The following PALLD variants were observed in gnomAD, a reference collection of about 807,000 sequenced individuals.
PALLD encodes the protein palladin, cytoskeletal associated protein, also known as palladin.
Under a neutral mutation model 123.5 loss-of-function variants are expected in PALLD, and 61 were observed. That is an observed-to-expected ratio of 0.49 (90% CI 0.40 to 0.61). The LOEUF is 0.61. Among genes scored for constraint, PALLD ranks in the 20% least tolerant of loss-of-function variants. The pLI is 0.00. For missense variants in PALLD, 1,273 were observed against 1,377.0 expected (o/e 0.92, Z 1.20); for synonymous variants, 465 against 496.4 (o/e 0.94, Z 0.84).
chr4:168,502,330 AT>A (rs1292228632), intron 1 of PALLD, among the ~76,000 whole-genome samples: 2 of 152,128 alleles, frequency 1.3e-5, no homozygotes, highest in African/African-American at 2.4e-5. Flanking sequence ...CTAGTTCCAA[AT>A]TTTTTCATGA....
intron 2 of PALLD, among the ~76,000 whole-genome samples, chr4:168,544,306 C>T (rs1366538053): frequency 6.6e-6 from 1 of 152,202 alleles, no homozygotes; most frequent in African/African-American, 2.4e-5. Context: ...ATTTTCAGTA[C>T]CTATTATATG....
chr4:168,864,941 T>C (rs979652963), intron 10 of PALLD, among the ~76,000 whole-genome samples: 2 of 152,252 alleles, frequency 1.3e-5, no homozygotes, highest in Non-Finnish European at 2.9e-5. Context: ...GGAAACTTCA[T>C]GTAGCTATGA....
chr4:168,610,519 A>G (rs1773628812), intron 2 of PALLD, among the ~76,000 whole-genome samples: 1 of 151,790 alleles, frequency 6.6e-6, no homozygotes, highest in Non-Finnish European at 1.5e-5. Flanking sequence ...CAGCTTGAGC[A>G]TTTCCTTATC....
chr4:168,588,571 T>G (rs1052829386), intron 2 of PALLD, among the ~76,000 whole-genome samples: 9 of 151,840 alleles, frequency 5.9e-5, no homozygotes, highest in African/African-American at 2.2e-4. Flanking sequence ...CCGGCTAACT[T>G]TTGTATTTTT....
chr4:168,618,592 C>A (rs1047189015), intron 2 of PALLD, among the ~76,000 whole-genome samples: 2 of 152,198 alleles, frequency 1.3e-5, no homozygotes, highest in African/African-American at 4.8e-5. Context: ...AAGGCAAGTG[C>A]TTTGAAAGGC....
At chr4:168,831,970 G>T in intron 10 of PALLD, 4 of 982,958 alleles carry the variant, frequency 4.1e-6, no homozygotes, top group Non-Finnish European at 3.6e-6. Context: ...TGCGAGCCAC[G>T]CCTCCTCTCT....
At chr4:168,836,124 C>T (rs977054025) in intron 10 of PALLD, among the ~76,000 whole-genome samples, 4 of 152,156 alleles carry the variant, frequency 2.6e-5, no homozygotes, top group African/African-American at 9.7e-5. Context: ...TTAGGTGAGC[C>T]TCTCTTCCTT....
At chr4:168,768,614 G>A (rs564689752) in intron 10 of PALLD, among the ~76,000 whole-genome samples, 1 of 152,308 alleles carries the variant, frequency 6.6e-6, no homozygotes, top group South Asian at 2.1e-4. Context: ...TTTTTGGAGA[G>A]CATAGACTAA....
intron 10 of PALLD, among the ~76,000 whole-genome samples, chr4:168,820,982 T>C (rs2150793189): frequency 6.6e-6 from 1 of 152,314 alleles, no homozygotes; most frequent in African/African-American, 2.4e-5. Context: ...AATCAATGTC[T>C]CTGTATTTCT....
intron 2 of PALLD, among the ~76,000 whole-genome samples, chr4:168,539,852 G>T (rs1024064934): frequency 1.3e-5 from 2 of 151,954 alleles, no homozygotes; most frequent in African/African-American, 2.4e-5. Context: ...ACACGTGCAG[G>T]TTTGTTACAT....
At position 168,691,473 on chromosome 4, in the gene PALLD, G is replaced by A. The variant is rs545127789; in HGVS notation, c.1501+181G>A. ...TTCTTTATCATGGAGTCTGTACACT[G>A]CATTTTACATCAACGTCTTTATTAG... On this transcript the variant is annotated intron_variant, in intron 8 of 21. Coordinates refer to ENST00000505667, the MANE Select transcript of PALLD (RefSeq NM_001166108.2). Among the ~76,000 whole-genome samples, 12 of 152,152 alleles carry A rather than the reference G, an allele frequency of 7.9e-5. No homozygotes were observed. The South Asian group carries it at 2.3e-3, about 29-fold the overall frequency.
chr4:168,785,863 A>G (rs1321004831), intron 10 of PALLD, among the ~76,000 whole-genome samples: 1 of 136,762 alleles, frequency 7.3e-6, no homozygotes, highest in African/African-American at 2.6e-5. Context: ...ATATATATAT[A>G]TATATATATA....
intron 10 of PALLD, chr4:168,877,874 C>G: frequency 7.0e-7 from 1 of 1,430,838 alleles, no homozygotes; most frequent in Non-Finnish European, 9.2e-7. Flanking sequence ...CTGCACGCCG[C>G]CCGCGTCCCC....
rs888446577 is a variant in PALLD at position 168,541,539 on chromosome 4, G to A, written c.908+29127G>A. On this transcript the variant is annotated intron_variant, in intron 2 of 21. Coordinates refer to ENST00000505667, the MANE Select transcript of PALLD (RefSeq NM_001166108.2). ...CCCAGGCTGGAGTGCAGTGGCATGAGGCCCAGGTTCAAGCGATTCTCCTGC... is the reference window on the plus strand; with the variant it reads ...CCCAGGCTGGAGTGCAGTGGCATGAAGCCCAGGTTCAAGCGATTCTCCTGC... Among the ~76,000 whole-genome samples the A allele has an allele frequency of 8.5e-4, 129 of 151,786 alleles. 1 individual carries two copies. Among genetic ancestry groups the A allele is most frequent in the African/African-American group, 2.9e-3 (118 of 41,380 alleles).
At chr4:168,557,032 T>TTTTTGTTTTGTTTTGTTTTG (rs56127507) in intron 2 of PALLD, among the ~76,000 whole-genome samples, 11,275 of 150,606 alleles carry the variant, frequency 0.075, 611 homozygotes, top group Non-Finnish European at 0.11. Flanking sequence ...TTTCCACTTG[T>TTTTTGTTTTGTTTTGTTTTG]TTTTGTTTTG....
intron 2 of PALLD, among the ~76,000 whole-genome samples, chr4:168,633,886 A>G (rs1182564258): frequency 6.6e-6 from 1 of 152,312 alleles, no homozygotes; most frequent in Admixed American, 6.5e-5. Flanking sequence ...GCCTAAAGGG[A>G]CATCCAATAC....
intron 10 of PALLD, among the ~76,000 whole-genome samples, chr4:168,814,839 C>T (rs1390995264): frequency 6.6e-6 from 1 of 152,222 alleles, no homozygotes; most frequent in East Asian, 1.9e-4. Flanking sequence ...GACGCGACCT[C>T]GGCTCACTGC....
intron 10 of PALLD, among the ~76,000 whole-genome samples, chr4:168,816,411 A>T (rs200033351): frequency 0.02 from 2,227 of 113,644 alleles, 34 homozygotes; most frequent in African/African-American, 0.069. Flanking sequence ...ATATATATAT[A>T]TATTTTTTTT....
intron 10 of PALLD, among the ~76,000 whole-genome samples, chr4:168,754,306 G>A (rs1174033931): frequency 6.6e-6 from 1 of 152,128 alleles, no homozygotes; most frequent in Admixed American, 6.5e-5. Flanking sequence ...TCCTTACTTA[G>A]TTAAGATGAT....
Sources: gnomAD v4.1 joint callset for allele counts (sites outside exome capture counted in the v4.1 genomes callset) on GRCh38, gnomAD v4.1.1 for gene constraint, MANE v1.5 for transcripts, NCBI Gene and HGNC (gene_info 2026-07-23, HGNC 2026-07-21) for gene names.